Variants in CASKIN1 observed in about 807,000 individuals in gnomAD.
The protein encoded by CASKIN1 is CASK interacting protein 1, also known as caskin-1.
In CASKIN1, 42 loss-of-function variants were observed where a neutral mutation model predicts 117.5. The ratio of observed to expected loss-of-function variants is 0.36; its 90% CI spans 0.28 to 0.46. CASKIN1 has a LOEUF of 0.46. CASKIN1 is among the 20% of genes least tolerant of loss of function. The pLI is 1.00. For synonymous variants in CASKIN1, 1,148 were observed against 961.7 expected, an observed-to-expected ratio of 1.19 and a Z score of -3.59; for missense variants, 2,083 against 2,077.3, an observed-to-expected ratio of 1.00 and a Z score of -0.05.
rs762364218 is a variant in CASKIN1, at chr16:2,180,689, C to T, written c.2679G>A (p.Pro893=). ...LNRYAASDSE[P]ERDELLVPAA... ...CAGGCACCAGCAGCTCGTCCCGCTC[C>T]GGCTCGCTGTCGGACGCCGCATAGC... Residue 893 remains proline (P), a synonymous_variant, in exon 18 of 20, where the codon CCG becomes CCA. Transcript: ENST00000343516. 1.3e-5 allele frequency: 19 copies of T among 1,502,666 alleles called. No homozygotes were observed. In the South Asian group the frequency reaches 1.4e-4, roughly 11 times the overall value. 93.1% of individuals were successfully genotyped at this position (1,502,666 alleles called of 1,614,324 possible).
In CASKIN1 at chr16:2,181,234, C is replaced by G. The variant is rs1241718782; in HGVS notation, c.2134G>C (p.Asp712His). 7 of 1,594,864 alleles carry G rather than the reference C, an allele frequency of 4.4e-6. No individual in the cohort carries two copies. The South Asian group carries it at 7.7e-5, about 18-fold the overall frequency. ...HMSSSQELLG[D>H]GPPGPSSPMS... ...GGGCTGCTGGGCCCAGGGGGCCCAT[C>G]TCCCAGCAGCTCCTGCGAGCTGCTC... Residue 712 changes from aspartate (D) to histidine (H), a missense_variant, in exon 18 of 20, where the codon GAT (aspartate) becomes CAT (histidine). Asp to His is a moderately conservative substitution (Grantham distance 81, BLOSUM62 -1). Transcript: ENST00000343516.
Position 2,178,914 on chromosome 16 carries a change from G to A in CASKIN1, c.4187C>T (p.Ala1396Val). 1.4e-6 allele frequency: 2 copies of A among 1,478,778 alleles called. No homozygotes were observed. The highest frequency in any genetic ancestry group is 1.8e-6 in the Non-Finnish European group (2 of 1,124,840). 91.6% of individuals were successfully genotyped at this position (1,478,778 alleles called of 1,614,324 possible). The change falls in exon 19 of 20, where the codon GCG becomes GTG. Residue 1396 changes from alanine (A) to valine (V), a missense_variant. By Grantham distance (64) the Ala-to-Val change is moderately conservative (BLOSUM62 0). Coordinates refer to ENST00000343516, the MANE Select transcript of CASKIN1 (RefSeq NM_020764.4). Reference sequence around the variant, plus strand: ...GCCCCGCACCTACCGCGGGCCCTGCGCGTCCTCCTGCCGGATCTTCTCCTC... The same window carrying A: ...GCCCCGCACCTACCGCGGGCCCTGCACGTCCTCCTGCCGGATCTTCTCCTC... ...AVEEKIRQEDAQGPRDSAAEK... is the reference protein window; with the variant it reads ...AVEEKIRQEDVQGPRDSAAEK...
In CASKIN1 at chr16:2,178,248, G is replaced by A. The variant is rs1173791922; in HGVS notation, c.*302C>T. The A allele has an allele frequency of 2.5e-6, 1 of 394,926 alleles. No homozygotes were observed. Among genetic ancestry groups the A allele is most frequent in the Non-Finnish European group, 4.7e-6 (1 of 214,770 alleles). The allele number at this position is 394,926 out of a possible 1,614,324, so 24.5% of individuals were successfully genotyped here. A position where few individuals can be genotyped will look rare whatever the true frequency, so the allele number is the denominator to read the frequency against. ...AGTTCTGTGCTGGGCCCGGGCCTGT[G>A]CGCTGCCCCATCCCTGGTCCCGGGG... On this transcript the variant is annotated 3_prime_UTR_variant, in exon 20 of 20. Transcript: ENST00000343516.
In CASKIN1 at chr16:2,187,081, A is replaced by G; in HGVS notation, c.836-9T>C. 1 of 1,613,318 alleles carries G rather than the reference A, an allele frequency of 6.2e-7. No individual in the cohort carries two copies. The highest frequency in any genetic ancestry group is 8.5e-7 in the Non-Finnish European group (1 of 1,179,814). Reference sequence around the variant, plus strand: ...CAGGGCCGCTGAGGCCTCTGGGGATACAGGAGGGGGCCCCCGAAGTCCTGC... The same window carrying G: ...CAGGGCCGCTGAGGCCTCTGGGGATGCAGGAGGGGGCCCCCGAAGTCCTGC... On this transcript the variant is annotated splice_polypyrimidine_tract_variant and intron_variant, in intron 8 of 19. Transcript: ENST00000343516.
At chr16:2,195,321 C>T (rs2093212503) in intron 1 of CASKIN1, among the ~76,000 whole-genome samples, 1 of 152,178 alleles carries the variant, frequency 6.6e-6, no homozygotes, top group African/African-American at 2.4e-5. Flanking sequence ...CTCGGCATCC[C>T]CCTGGAGGAA....
In CASKIN1 at chr16:2,180,302, C is replaced by T; in HGVS notation, c.3066G>A (p.Arg1022=). The change falls in exon 18 of 20, where the codon AGG becomes AGA. Residue 1022 remains arginine (R), a synonymous_variant. Coordinates refer to ENST00000343516, the MANE Select transcript of CASKIN1 (RefSeq NM_020764.4). ...SIGGGGRAAR[R]PPEGHPTPRP... The stretch of plus-strand genomic sequence containing the variant: ...GGGGAGTGGGGTGGCCCTCAGGAGG[C>T]CTGCGGGCAGCCCGGCCCCCACCCC... 6.3e-7 allele frequency: 1 copy of T among 1,587,686 alleles called. No homozygotes were observed. The highest frequency in any genetic ancestry group is 8.5e-7 in the Non-Finnish European group (1 of 1,171,404).
chr16:2,180,662 C>A lies in CASKIN1; in HGVS notation c.2706G>T (p.Ala902=), dbSNP rs748035365. Residue 902 remains alanine, a synonymous_variant, in exon 18 of 20, where the codon GCG becomes GCT. Coordinates refer to ENST00000343516, the MANE Select transcript of CASKIN1 (RefSeq NM_020764.4). ...EPERDELLVP[A]AAGPYATVQR... Reference sequence around the variant, plus strand: ...GGACCGTGGCATAGGGGCCGGCAGCCGCAGGCACCAGCAGCTCGTCCCGCT... The same window carrying A: ...GGACCGTGGCATAGGGGCCGGCAGCAGCAGGCACCAGCAGCTCGTCCCGCT... The A allele has an allele frequency of 1.2e-5, 18 of 1,526,508 alleles. No individual in the cohort carries two copies. In the African/African-American group the frequency reaches 2.1e-4, roughly 18 times the overall value. 94.6% of individuals were successfully genotyped at this position (1,526,508 alleles called of 1,614,324 possible).
Position 2,181,362 on chromosome 16 carries a change from G to A in CASKIN1, c.2006C>T (p.Ala669Val). The change falls in exon 18 of 20, where the codon GCT becomes GTT. Residue 669 changes from alanine (A) to valine (V), a missense_variant. Physicochemically the swap from Ala to Val is moderately conservative, Grantham distance 64 (BLOSUM62 0). Around this residue, in one of 3 missense-constraint regions of CASKIN1, gnomAD observed 1,818 missense variants for 1,688.9 expected, o/e 1.08. Transcript: ENST00000343516. ...CTTCTCAGTGGTGGGCCCCACCTCA[G>A]CCGGGCCAGTCATGGCAGCCTGCAG... is the stretch of plus-strand genomic sequence containing the variant. Reference protein sequence around the residue: ...DELQAAMTGPAEVGPTTEKPS... With the variant: ...DELQAAMTGPVEVGPTTEKPS... 2 of 1,607,672 alleles carry A rather than the reference G, an allele frequency of 1.2e-6. No individual in the cohort carries two copies. The highest frequency in any genetic ancestry group is 1.7e-6 in the Non-Finnish European group (2 of 1,178,676).
intron 1 of CASKIN1, among the ~76,000 whole-genome samples, chr16:2,193,180 G>A (rs371357851): frequency 6.6e-6 from 1 of 152,056 alleles, no homozygotes; most frequent in African/African-American, 2.4e-5. Context: ...ACCACTCCTG[G>A]CTAATTTTGT....
rs745851901 is a variant in CASKIN1, at chr16:2,178,596, C to T, written c.4250G>A (p.Ser1417Asn). 2 of 1,597,656 alleles carry T rather than the reference C, an allele frequency of 1.3e-6. No homozygotes were observed. Among genetic ancestry groups the T allele is most frequent in the East Asian group, 2.3e-5 (1 of 44,042 alleles). ...STGSILDDIG[S>N]MFDDLADQLD... ...CTGGTCGGCCAGGTCGTCGAACATG[C>T]TGCCGATGTCGTCCAGGATGCTGCC... The change falls in exon 20 of 20, where the codon AGC (serine) becomes AAC (asparagine). Residue 1417 changes from serine to asparagine, a missense_variant. Around this residue, in one of 3 missense-constraint regions of CASKIN1, gnomAD observed 1,818 missense variants for 1,688.9 expected, o/e 1.08. Transcript: ENST00000343516.
At chr16:2,183,463 GC>G (rs1225559783) in intron 16 of CASKIN1, among the ~76,000 whole-genome samples, 182 bp downstream of exon 16, 1 of 152,168 alleles carries the variant, frequency 6.6e-6, no homozygotes, top group Non-Finnish European at 1.5e-5. Context: ...GCATCACCTT[GC>G]CCCTGCCCCA....
chr16:2,196,272 T>C lies in CASKIN1; in HGVS notation c.94+67A>G, dbSNP rs377189415. ...CGTCCCCTCCCCGCCCGGCGCCGGG[T>C]GGGGGGCTCCGCGCCGGGGAGGGGC... On this transcript the variant is annotated intron_variant, in intron 1 of 19. Coordinates refer to ENST00000343516, the MANE Select transcript of CASKIN1 (RefSeq NM_020764.4). The surrounding 1 kb of genome is among the most constrained non-coding windows in gnomAD (Gnocchi z 5.7). The C allele has an allele frequency of 3.3e-4, 188 of 578,000 alleles. No individual in the cohort carries two copies. The East Asian group carries it at 7.4e-3, about 23-fold the overall frequency. The allele number at this position is 578,000 out of a possible 1,614,324, so 35.8% of individuals were successfully genotyped here.
Position 2,177,720 on chromosome 16 carries a change from A to AC in CASKIN1, c.*829dup, listed in dbSNP as rs1254150867. Reference sequence around the variant, plus strand: ...TTCCACGTGGCTGCCACGCTGACACACCCACATTCACCAAACCCACCCGCG... The same window carrying AC: ...TTCCACGTGGCTGCCACGCTGACACACCCCACATTCACCAAACCCACCCGCG... On this transcript the variant is annotated 3_prime_UTR_variant, in exon 20 of 20. Transcript: ENST00000343516. The AC allele has an allele frequency of 4.1e-6, 1 of 241,000 alleles. No individual in the cohort carries two copies. The highest frequency in any genetic ancestry group is 6.2e-5 in the East Asian group (1 of 16,236). The allele number at this position is 241,000 out of a possible 1,614,324, so 14.9% of individuals were successfully genotyped here.
Position 2,178,382 on chromosome 16 carries a change from G to T in CASKIN1, c.*168C>A. On this transcript the variant is annotated 3_prime_UTR_variant, in exon 20 of 20. Transcript: ENST00000343516. Reference sequence around the variant, plus strand: ...CTGCCTAGAGCCCTTGGAGCCCCCGGCCAGGCGGTCCCCGGTGGGCGCCCC... The same window carrying T: ...CTGCCTAGAGCCCTTGGAGCCCCCGTCCAGGCGGTCCCCGGTGGGCGCCCC... 1 of 472,110 alleles carries T rather than the reference G, an allele frequency of 2.1e-6. No homozygotes were observed. Among genetic ancestry groups the T allele is most frequent in the Non-Finnish European group, 3.7e-6 (1 of 270,068 alleles). 29.2% of individuals were successfully genotyped at this position (472,110 alleles called of 1,614,324 possible).
chr16:2,195,986 C>T (rs2093214776), intron 1 of CASKIN1, among the ~76,000 whole-genome samples: 1 of 151,994 alleles, frequency 6.6e-6, no homozygotes, highest in East Asian at 1.9e-4. Flanking sequence ...GGGGGGCATC[C>T]GCCTCGCCCT....
In CASKIN1 at chr16:2,187,611, G is replaced by A. The variant is rs146924581; in HGVS notation, c.618-150C>T. Reference sequence around the variant, plus strand: ...CTGCCCCATGTCTCTGACATTCACTGAGTGCTGAGCGCTTTTTTTTTCTTT... The same window carrying A: ...CTGCCCCATGTCTCTGACATTCACTAAGTGCTGAGCGCTTTTTTTTTCTTT... On this transcript the variant is annotated intron_variant, in intron 6 of 19. Coordinates refer to ENST00000343516, the MANE Select transcript of CASKIN1 (RefSeq NM_020764.4). 217 of 642,434 alleles carry A rather than the reference G, an allele frequency of 3.4e-4. 1 individual carries two copies. The East Asian group carries it at 5.7e-3, about 17-fold the overall frequency. 39.8% of individuals were successfully genotyped at this position (642,434 alleles called of 1,614,324 possible).
rs2093175052 is a variant in CASKIN1 at position 2,183,720 on chromosome 16, G to A, written c.1555C>T (p.Pro519Ser). Residue 519 changes from proline to serine, a missense_variant, in exon 16 of 20, where the codon CCG becomes TCG. Coordinates refer to ENST00000343516, the MANE Select transcript of CASKIN1 (RefSeq NM_020764.4). ...EDLTAIGVTK[P>S]GHRKKIAAEI... The stretch of plus-strand genomic sequence containing the variant: ...GCCGCGATCTTCTTCCGGTGGCCCG[G>A]CTTGGTGACACCAATGGCCGTGAGG... 1.9e-6 allele frequency: 3 copies of A among 1,613,376 alleles called. No individual in the cohort carries two copies. Among genetic ancestry groups the A allele is most frequent in the Non-Finnish European group, 2.5e-6 (3 of 1,180,000 alleles).
In CASKIN1 at chr16:2,179,332, G is replaced by A; in HGVS notation, c.3776-7C>T. 1 of 1,287,168 alleles carries A rather than the reference G, an allele frequency of 7.8e-7. No individual in the cohort carries two copies. The highest frequency in any genetic ancestry group is 9.8e-7 in the Non-Finnish European group (1 of 1,021,722). 79.7% of individuals were successfully genotyped at this position (1,287,168 alleles called of 1,614,324 possible). ...CCGTGGGCGCGCTTCACCTCTGCGG[G>A]GAGGACCACGCTGGCACCGAGCGGG... On this transcript the variant is annotated splice_polypyrimidine_tract_variant and splice_region_variant and intron_variant, in intron 18 of 19. Transcript: ENST00000343516. The surrounding 1 kb of genome is among the most constrained non-coding windows in gnomAD (Gnocchi z 5.8).
intron 1 of CASKIN1, among the ~76,000 whole-genome samples, chr16:2,195,973 T>A (rs258292): frequency 2.4e-5 from 3 of 123,820 alleles, no homozygotes; most frequent in African/African-American, 1.0e-4. Flanking sequence ...GTGTGGTGGG[T>A]GGGGGGGGCA....
Sources: gnomAD v4.1 joint callset for allele counts (sites outside exome capture counted in the v4.1 genomes callset) on GRCh38, gnomAD v4.1.1 for gene constraint, gnomAD v4.1.1 regional missense constraint, Gnocchi (gnomAD v3.1) non-coding constraint, MANE v1.5 for transcripts, NCBI Gene and HGNC (gene_info 2026-07-23, HGNC 2026-07-21) for gene names.